Variants in TBX18 observed in about 807,000 individuals in gnomAD.
TBX18 encodes the protein T-box transcription factor 18.
A neutral mutation model predicts 55.0 loss-of-function variants in TBX18; 21 were observed. That is an observed-to-expected ratio of 0.38 (90% CI 0.27 to 0.55). The LOEUF (loss-of-function observed/expected upper bound fraction) is 0.55. Among genes scored for constraint, TBX18 ranks in the 20% least tolerant of loss-of-function variants. The pLI, the probability that TBX18 is intolerant of heterozygous loss-of-function variation, is 0.73. For missense variants in TBX18, 840 were observed against 799.6 expected (o/e 1.05, Z -0.61); for synonymous variants, 342 against 326.1 (o/e 1.05, Z -0.53).
At position 84,756,789 on chromosome 6, in the gene TBX18, T is replaced by C. The variant is rs932690742; in HGVS notation, c.680A>G (p.Asp227Gly). ...PVPPRVYIHP[D>G]SPASGETWMR... ...CCAAGTCTCCCCCGAGGCAGGCGAG[T>C]CTGGATGAATGTACACACGGGGTGG... is the stretch of plus-strand genomic sequence containing the variant. The change falls in exon 4 of 8, where the codon GAC (aspartate) becomes GGC (glycine). Residue 227 changes from aspartate (D) to glycine (G), a missense_variant. Coordinates refer to ENST00000369663, the MANE Select transcript of TBX18 (RefSeq NM_001080508.3). 1.9e-6 allele frequency: 3 copies of C among 1,613,996 alleles called. No homozygotes were observed. The highest frequency in any genetic ancestry group is 2.5e-6 in the Non-Finnish European group (3 of 1,179,998).
At position 84,732,804 on chromosome 6, in the gene TBX18, T is replaced by C. The variant is rs553938359; in HGVS notation, c.*3881A>G. 1.1e-4 allele frequency: 16 copies of C among 143,770 alleles called. No individual in the cohort carries two copies. The highest frequency in any genetic ancestry group is 2.1e-4 in the Non-Finnish European group (14 of 65,952). The allele number at this position is 143,770 out of a possible 1,614,324, so 8.9% of individuals were successfully genotyped here. On this transcript the variant is annotated 3_prime_UTR_variant, in exon 8 of 8. Coordinates refer to ENST00000369663, the MANE Select transcript of TBX18 (RefSeq NM_001080508.3). Reference sequence around the variant, plus strand: ...AATACTGATAGTGTTATATTCTTTGTAAAGCCACAGATACAGTATATATAT... The same window carrying C: ...AATACTGATAGTGTTATATTCTTTGCAAAGCCACAGATACAGTATATATAT...
chr6:84,763,613 C>A (rs943553387), intron 1 of TBX18, among the ~76,000 whole-genome samples: 2 of 152,146 alleles, frequency 1.3e-5, no homozygotes, highest in Non-Finnish European at 2.9e-5. Context: ...ATGCAGGAAG[C>A]ACAGAGCTGC....
Position 84,736,688 on chromosome 6 carries a change from G to T in TBX18, c.1821C>A (p.Val607=). The T allele has an allele frequency of 6.5e-7, 1 of 1,546,364 alleles. No homozygotes were observed. The highest frequency in any genetic ancestry group is 1.3e-5 in the South Asian group (1 of 79,794). ...LSSSQVSAHM[V] ...GTCATTTAACTTAAAGGCTTCATCA[G>T]ACCATATGTGCAGATACTTGAGATG... The change falls in exon 8 of 8, where the codon GTC becomes GTA. Residue 607 remains valine, a synonymous_variant. Transcript: ENST00000369663.
At chr6:84,762,419 C>T (rs1044169089) in intron 2 of TBX18, 125 bp downstream of exon 2, 4 of 1,163,516 alleles carry the variant, frequency 3.4e-6, no homozygotes, top group Non-Finnish European at 5.2e-6. Flanking sequence ...GGCCTGGTCC[C>T]GTTTGACCGA....
chr6:84,738,698 AC>A, intron 6 of TBX18, 107 bp from the exon 7 acceptor site: 1 of 820,544 alleles, frequency 1.2e-6, no homozygotes. Context: ...TATTGACAGT[AC>A]CCCCACACTG....
intron 1 of TBX18, chr6:84,763,147 C>G: frequency 2.7e-6 from 1 of 373,496 alleles, no homozygotes; most frequent in South Asian, 2.2e-5. Flanking sequence ...TCCGACGCAA[C>G]CTGCGCCTCG....
chr6:84,763,520 C>T (rs886437352), intron 1 of TBX18: 10 of 503,366 alleles, frequency 2.0e-5, no homozygotes, highest in Middle Eastern at 3.4e-4. Context: ...GGTATGCCGT[C>T]GCTCCCCTCC....
chr6:84,757,383 T>G, intron 3 of TBX18, among the ~76,000 whole-genome samples: 1 of 152,318 alleles, frequency 6.6e-6, no homozygotes, highest in East Asian at 1.9e-4. Context: ...TTCTAGAAAC[T>G]TTTATTTTAA....
rs1773890643 is a variant in TBX18 at position 84,734,595 on chromosome 6, G to A, written c.*2090C>T. The A allele has an allele frequency of 6.6e-6, 1 of 152,414 alleles. No individual in the cohort carries two copies. Among genetic ancestry groups the A allele is most frequent in the South Asian group, 2.1e-4 (1 of 4,808 alleles). 9.4% of individuals were successfully genotyped at this position (152,414 alleles called of 1,614,324 possible). ...ATATTTACAGTAAAACCTAAAAAAA[G>A]CATTTGTACAATATTGCTAAAATTT... On this transcript the variant is annotated 3_prime_UTR_variant, in exon 8 of 8. Coordinates refer to ENST00000369663, the MANE Select transcript of TBX18 (RefSeq NM_001080508.3).
At chr6:84,744,232 TA>T in intron 6 of TBX18, 28 bp downstream of exon 6, 1 of 1,580,172 alleles carries the variant, frequency 6.3e-7, no homozygotes, top group African/African-American at 1.4e-5. Flanking sequence ...ATATTTATCA[TA>T]ACCGGAATGG....
rs573765662 is a variant in TBX18 at position 84,743,399 on chromosome 6, T to G, written c.1004+862A>C. On this transcript the variant is annotated intron_variant, in intron 6 of 7. Transcript: ENST00000369663. ...ATTTCAAATGAAACTGCCTCTAAAA[T>G]AATTGGGGATTTTCAAGGAGTATTA... 2.0e-5 allele frequency among the ~76,000 whole-genome samples: 3 copies of G among 152,282 alleles called. No individual in the cohort carries two copies. The East Asian group carries it at 5.8e-4, about 29-fold the overall frequency.
At chr6:84,763,702 G>T (rs1661572262) in intron 1 of TBX18, among the ~76,000 whole-genome samples, 188 bp downstream of exon 1, 1 of 152,174 alleles carries the variant, frequency 6.6e-6, no homozygotes, top group Non-Finnish European at 1.5e-5. Flanking sequence ...GGCGAGCCTG[G>T]AAGCAGTATC....
At chr6:84,754,280 G>A (rs1429867478) in intron 4 of TBX18, among the ~76,000 whole-genome samples, 3 of 152,230 alleles carry the variant, frequency 2.0e-5, no homozygotes, top group East Asian at 1.9e-4. Context: ...AACATCTTCC[G>A]AAGTATCTTT....
At chr6:84,748,294 C>G (rs1046765123) in intron 4 of TBX18, among the ~76,000 whole-genome samples, 1 of 152,096 alleles carries the variant, frequency 6.6e-6, no homozygotes, top group Non-Finnish European at 1.5e-5. Context: ...AAATAAAAAG[C>G]ACTATTTTAG....
intron 2 of TBX18, among the ~76,000 whole-genome samples, chr6:84,760,914 TAA>T (rs1186427498): frequency 1.3e-5 from 2 of 152,146 alleles, no homozygotes; most frequent in Non-Finnish European, 2.9e-5. Context: ...AAAGGTATAG[TAA>T]AACTTCTTTA....
At chr6:84,743,503 G>A (rs551791007) in intron 6 of TBX18, among the ~76,000 whole-genome samples, 1 of 152,208 alleles carries the variant, frequency 6.6e-6, no homozygotes, top group African/African-American at 2.4e-5. Flanking sequence ...AAACATTTAA[G>A]CAGAAGCCTT....
intron 4 of TBX18, 57 bp downstream of exon 4, chr6:84,756,641 C>A: frequency 6.6e-7 from 1 of 1,511,912 alleles, no homozygotes; most frequent in Non-Finnish European, 9.1e-7. Context: ...TTTAGTCAGG[C>A]ACAGTGTAGA....
intron 1 of TBX18, chr6:84,763,324 C>T (rs1767709162): frequency 2.2e-6 from 1 of 453,852 alleles, no homozygotes; most frequent in South Asian, 1.6e-5. Context: ...GCGCCCTGCG[C>T]TTCCAGCCCA....
At position 84,764,203 on chromosome 6, in the gene TBX18, C is replaced by T; in HGVS notation, c.-22G>A. 2 of 1,435,188 alleles carry T rather than the reference C, an allele frequency of 1.4e-6. No homozygotes were observed. The highest frequency in any genetic ancestry group is 2.7e-5 in the East Asian group (1 of 37,686). 88.9% of individuals were successfully genotyped at this position (1,435,188 alleles called of 1,614,324 possible). On this transcript the variant is annotated 5_prime_UTR_variant, in exon 1 of 8. Coordinates refer to ENST00000369663, the MANE Select transcript of TBX18 (RefSeq NM_001080508.3). The stretch of plus-strand genomic sequence containing the variant: ...CCATCCCCCCCGCCCCGCGCCCGCC[C>T]GCCCCTCTCTCATATACACTCACGC...
Sources: gnomAD v4.1 joint callset for allele counts (sites outside exome capture counted in the v4.1 genomes callset) on GRCh38, gnomAD v4.1.1 for gene constraint, MANE v1.5 for transcripts, NCBI Gene and HGNC (gene_info 2026-07-23, HGNC 2026-07-21) for gene names.